RPL28: variants seen among roughly 807,000 people sequenced by gnomAD.
RPL28 encodes large ribosomal subunit protein eL28.
RPL28 carries 4 observed loss-of-function variants against 12.5 expected under a neutral mutation model. The ratio of observed to expected loss-of-function variants is 0.32; its 90% confidence interval spans 0.16 to 0.73. The LOEUF (loss-of-function observed/expected upper bound fraction) is 0.73. Ranked by LOEUF, RPL28 falls within the 30% of genes least tolerant of loss-of-function variation. The probability of loss-of-function intolerance (pLI) is 0.66; values close to 1 mark genes in which losing one functional copy is unlikely to be tolerated. For missense variants in RPL28, 214 were observed against 197.7 expected (o/e 1.08, Z -0.49); for synonymous variants, 91 against 72.5 (o/e 1.26, Z -1.30).
intron 4 of RPL28, among the ~76,000 whole-genome samples, chr19:55,399,487 G>A (rs996935549): frequency 1.3e-5 from 2 of 152,162 alleles, no homozygotes; most frequent in Non-Finnish European, 2.9e-5. Flanking sequence ...TTTTAACGGA[G>A]GTTTCATTAC....
exon 5 of RPL28, chr19:55,403,102 C>G: frequency 1.0e-6 from 1 of 970,540 alleles, no homozygotes. Context: ...CCTCCACCCA[C>G]TAGATGCTAG....
chr19:55,390,904 G>A lies in RPL28; in HGVS notation c.*2572G>A. On this transcript the variant is annotated 3_prime_UTR_variant, in exon 5 of 5. Coordinates refer to ENST00000344063, the MANE Select transcript of RPL28 (RefSeq NM_000991.5). ...TCTTGGAGAGAGAGATGTTGGATGG[G>A]GCCATCTATTCCAGCTTTATTCACA... The A allele has an allele frequency of 1.0e-6, 1 of 985,416 alleles. No homozygotes were observed. The highest frequency in any genetic ancestry group is 1.2e-6 in the Non-Finnish European group (1 of 829,938). 61.0% of individuals were successfully genotyped at this position (985,416 alleles called of 1,614,324 possible).
At chr19:55,392,343 C>T (rs764011320), downstream of RPL28, among the ~76,000 whole-genome samples, 39 of 151,742 alleles carry the variant, frequency 2.6e-4, no homozygotes, top group Non-Finnish European at 5.2e-4. Context: ...TCAATTGTCC[C>T]GCCTTAGCCC....
At chr19:55,394,765 G>A (rs1600310882), downstream of RPL28, among the ~76,000 whole-genome samples, 1 of 151,980 alleles carries the variant, frequency 6.6e-6, no homozygotes, top group African/African-American at 2.4e-5. Flanking sequence ...GTAGAGACAC[G>A]ATCTCACTAT....
At chr19:55,387,829 C>T (rs931859780) in intron 3 of RPL28, 101 bp from the exon 4 acceptor site, 26 of 1,482,502 alleles carry the variant, frequency 1.8e-5, no homozygotes, top group Middle Eastern at 2.6e-4. Context: ...CACGGGCCCA[C>T]GCTGCTCAGC....
rs2089973411 is a variant in RPL28 at position 55,389,842 on chromosome 19, AG to A, written c.*1512del. On this transcript the variant is annotated 3_prime_UTR_variant, in exon 5 of 5. Coordinates refer to ENST00000344063, the MANE Select transcript of RPL28 (RefSeq NM_000991.5). ...CCCCCGCACTGTCCCAATCCCACTCAGGCCCACCTCCAGCTGGCCTCACTCC... is the reference window on the plus strand; with the variant it reads ...CCCCCGCACTGTCCCAATCCCACTCAGCCCACCTCCAGCTGGCCTCACTCC... 4.1e-6 allele frequency: 4 copies of A among 984,214 alleles called. No homozygotes were observed. The South Asian group carries it at 1.9e-4, about 46-fold the overall frequency. The allele number at this position is 984,214 out of a possible 1,614,324, so 61.0% of individuals were successfully genotyped here.
In RPL28 at chr19:55,389,831, C is replaced by G. The variant is rs562407720; in HGVS notation, c.*1499C>G. 33 of 984,762 alleles carry G rather than the reference C, an allele frequency of 3.4e-5. No homozygotes were observed. The Admixed American group carries it at 4.3e-4, about 13-fold the overall frequency. 61.0% of individuals were successfully genotyped at this position (984,762 alleles called of 1,614,324 possible). On this transcript the variant is annotated 3_prime_UTR_variant, in exon 5 of 5. Transcript: ENST00000344063. ...CTGCTCAGGACCCCCCGCACTGTCC[C>G]AATCCCACTCAGGCCCACCTCCAGC...
intron 3 of RPL28, chr19:55,387,567 T>C: frequency 7.0e-7 from 1 of 1,425,678 alleles, no homozygotes; most frequent in Non-Finnish European, 9.1e-7. Context: ...ACCACTGCTG[T>C]GGGGATGGGC....
intron 3 of RPL28, chr19:55,387,070 A>G (rs976861341): frequency 2.1e-6 from 3 of 1,424,542 alleles, no homozygotes; most frequent in Non-Finnish European, 2.8e-6. Context: ...TCGCTACCAC[A>G]CTTAGGAGGG....
Position 55,386,349 on chromosome 19 carries a change from G to T in RPL28, c.-8-1G>T. On this transcript the variant is annotated splice_acceptor_variant, in intron 1 of 4. Coordinates refer to ENST00000344063, the MANE Select transcript of RPL28 (RefSeq NM_000991.5). LOFTEE classifies it low-confidence loss of function (5UTR_SPLICE). ...CTTTCCCTGTGCCCGTTTCCCCGCA[G>T]CCGCCGCCATGTCTGCGCATCTGCA... 1 of 1,613,550 alleles carries T rather than the reference G, an allele frequency of 6.2e-7. No individual in the cohort carries two copies. The highest frequency in any genetic ancestry group is 8.5e-7 in the Non-Finnish European group (1 of 1,179,842).
chr19:55,389,329 C>A lies in RPL28; in HGVS notation c.*997C>A, dbSNP rs1189669323. ...AGCCCATGAGCCCCACCACTACACT[C>A]CAGCCTGGAAGACACCATGACACAC... On this transcript the variant is annotated 3_prime_UTR_variant, in exon 5 of 5. Coordinates refer to ENST00000344063, the MANE Select transcript of RPL28 (RefSeq NM_000991.5). 2.1e-6 allele frequency: 2 copies of A among 970,660 alleles called. No homozygotes were observed. The highest frequency in any genetic ancestry group is 3.7e-5 in the African/African-American group (2 of 54,340). 60.1% of individuals were successfully genotyped at this position (970,660 alleles called of 1,614,324 possible).
At chr19:55,387,035 T>C in intron 3 of RPL28, 2 of 1,442,398 alleles carry the variant, frequency 1.4e-6, no homozygotes, top group Non-Finnish European at 1.8e-6. Context: ...GGTGGGAAGA[T>C]TGAGGCACAA....
At position 55,389,047 on chromosome 19, in the gene RPL28, C is replaced by T. The variant is rs972410465; in HGVS notation, c.*715C>T. The T allele has an allele frequency of 2.1e-5, 21 of 985,418 alleles. No individual in the cohort carries two copies. The African/African-American group carries it at 2.8e-4, about 13-fold the overall frequency. The allele number at this position is 985,418 out of a possible 1,614,324, so 61.0% of individuals were successfully genotyped here. A position where few individuals can be genotyped will look rare whatever the true frequency, so the allele number is the denominator to read the frequency against. On this transcript the variant is annotated 3_prime_UTR_variant, in exon 5 of 5. Transcript: ENST00000344063. ...CACTTAGGTCTCATCTCAGTGGCCGCTCCTGGGCCACCCTGTCACCCAAGC... is the reference window on the plus strand; with the variant it reads ...CACTTAGGTCTCATCTCAGTGGCCGTTCCTGGGCCACCCTGTCACCCAAGC...
intron 4 of RPL28, among the ~76,000 whole-genome samples, chr19:55,402,421 C>T (rs1247590049): frequency 6.6e-6 from 1 of 152,204 alleles, no homozygotes; most frequent in Non-Finnish European, 1.5e-5. Context: ...AGATTCCTCT[C>T]AACCCCCTTC....
At chr19:55,387,125 T>C in intron 3 of RPL28, 1 of 1,333,146 alleles carries the variant, frequency 7.5e-7, no homozygotes, top group Non-Finnish European at 1.0e-6. Flanking sequence ...ATTTTGCCTG[T>C]GTAGGTTAGA....
intron 4 of RPL28, chr19:55,401,600 G>T: frequency 1.9e-6 from 3 of 1,606,660 alleles, no homozygotes; most frequent in Non-Finnish European, 1.7e-6. Context: ...GCCAGGGCCC[G>T]ACCGGCTTCG....
At chr19:55,401,501 C>G in intron 4 of RPL28, 1 of 1,609,804 alleles carries the variant, frequency 6.2e-7, no homozygotes, top group Non-Finnish European at 8.5e-7. Context: ...TTATCGCGCT[C>G]GCCAGCATGC....
chr19:55,389,221 C>A lies in RPL28; in HGVS notation c.*889C>A. 1 of 932,154 alleles carries A rather than the reference C, an allele frequency of 1.1e-6. No homozygotes were observed. Among genetic ancestry groups the A allele is most frequent in the Non-Finnish European group, 1.3e-6 (1 of 781,382 alleles). 57.7% of individuals were successfully genotyped at this position (932,154 alleles called of 1,614,324 possible). A position where few individuals can be genotyped will look rare whatever the true frequency, so the allele number is the denominator to read the frequency against. ...AAAATTAGCTGGGTGTGGTGGTGCACCGCCTGTGGTCCCAGCTCCTCAGAG... is the reference window on the plus strand; with the variant it reads ...AAAATTAGCTGGGTGTGGTGGTGCAACGCCTGTGGTCCCAGCTCCTCAGAG... On this transcript the variant is annotated 3_prime_UTR_variant, in exon 5 of 5. Transcript: ENST00000344063.
At chr19:55,395,808 G>A (rs1243205646), downstream of RPL28, among the ~76,000 whole-genome samples, 1 of 151,990 alleles carries the variant, frequency 6.6e-6, no homozygotes, top group Non-Finnish European at 1.5e-5. Flanking sequence ...CTTGTATCTG[G>A]GACAACCAGT....
Sources: gnomAD v4.1 joint callset for allele counts (sites outside exome capture counted in the v4.1 genomes callset) on GRCh38, gnomAD v4.1.1 for gene constraint, MANE v1.5 for transcripts, NCBI Gene and HGNC (gene_info 2026-07-23, HGNC 2026-07-21) for gene names.